RFX3: variants seen among roughly 807,000 people sequenced by gnomAD.
RFX3 encodes regulatory factor X3, also known as transcription factor RFX3.
In RFX3, 14 loss-of-function variants were observed where a neutral mutation model predicts 98.6. The observed-to-expected ratio is 0.14, with a 90% CI of 0.09 to 0.22. RFX3 has a LOEUF of 0.22. Among genes scored for constraint, RFX3 ranks in the 10% least tolerant of loss-of-function variants. The pLI, the probability that RFX3 is intolerant of heterozygous loss-of-function variation, is 1.00. For missense variants in RFX3, 639 were observed against 926.9 expected (o/e 0.69, Z 4.03); for synonymous variants, 383 against 328.4 (o/e 1.17, Z -1.80).
At chr9:3,248,408 T>C (rs995639165) in intron 14 of RFX3, among the ~76,000 whole-genome samples, 2 of 152,170 alleles carry the variant, frequency 1.3e-5, no homozygotes, top group African/African-American at 4.8e-5. Context: ...TCAAGATAGA[T>C]AGTCTTAATG....
chr9:3,373,980 A>G (rs1838152807), intron 2 of RFX3, among the ~76,000 whole-genome samples: 1 of 152,056 alleles, frequency 6.6e-6, no homozygotes, highest in African/African-American at 2.4e-5. Context: ...CGGGAGGCTG[A>G]AGCAGAAGAA....
chr9:3,226,195 C>G (rs985897494), intron 16 of RFX3, among the ~76,000 whole-genome samples: 2 of 152,142 alleles, frequency 1.3e-5, no homozygotes, highest in Non-Finnish European at 2.9e-5. Context: ...TCTCCATTCT[C>G]TACTGTTCTA....
At chr9:3,432,733 G>C (rs1291518946) in intron 1 of RFX3, among the ~76,000 whole-genome samples, 2 of 152,172 alleles carry the variant, frequency 1.3e-5, no homozygotes, top group East Asian at 3.8e-4. Context: ...AGAAGATGTA[G>C]AAGCAATGCC....
chr9:3,504,806 A>G (rs1587882678), intron 1 of RFX3, among the ~76,000 whole-genome samples: 1 of 103,152 alleles, frequency 9.7e-6, no homozygotes, highest in South Asian at 2.6e-4. Context: ...TATATTATAT[A>G]TAAAATATAT....
chr9:3,462,257 T>TC (rs1382146310), intron 1 of RFX3, among the ~76,000 whole-genome samples: 1 of 152,004 alleles, frequency 6.6e-6, no homozygotes, highest in Non-Finnish European at 1.5e-5. Flanking sequence ...ATTCCAGAAT[T>TC]CAAGGTTGCT....
At position 3,251,408 on chromosome 9, in the gene RFX3, T is replaced by C. The variant is rs1821379604; in HGVS notation, c.1815-3223A>G. On this transcript the variant is annotated intron_variant, in intron 14 of 16. Coordinates refer to ENST00000617270, the MANE Select transcript of RFX3 (RefSeq NM_001282116.2). ...TATTGTCCAGGCTGGGGTGTGGTGA[T>C]GCCATTATAGTTCACTGCAGCATTG... Among the ~76,000 whole-genome samples, 3 of 152,038 alleles carry C rather than the reference T, an allele frequency of 2.0e-5. No homozygotes were observed. In the South Asian group the frequency reaches 6.2e-4, roughly 32 times the overall value.
At chr9:3,323,111 A>G (rs1334260589) in intron 4 of RFX3, among the ~76,000 whole-genome samples, 2 of 152,242 alleles carry the variant, frequency 1.3e-5, no homozygotes, top group Non-Finnish European at 2.9e-5. Flanking sequence ...AAAGGAAACC[A>G]GATAATTCTG....
intron 15 of RFX3, among the ~76,000 whole-genome samples, chr9:3,238,854 G>A (rs187826112): frequency 5.3e-5 from 8 of 152,004 alleles, no homozygotes; most frequent in South Asian, 2.1e-4. Flanking sequence ...TTAGCTGGGC[G>A]TGGTTGCGCA....
chr9:3,237,712 G>A lies in RFX3; in HGVS notation c.1969-8823C>T, dbSNP rs186360948. ...AAAATGTCCTTATGCTTATTTTGTT[G>A]AGGAGAAAACTAAGACTCAAGCAAG... On this transcript the variant is annotated intron_variant, in intron 15 of 16. Coordinates refer to ENST00000617270, the MANE Select transcript of RFX3 (RefSeq NM_001282116.2). Among the ~76,000 whole-genome samples the A allele has an allele frequency of 7.9e-5, 12 of 152,236 alleles. No individual in the cohort carries two copies. In the East Asian group the frequency reaches 2.3e-3, roughly 29 times the overall value.
chr9:3,325,846 A>G (rs972102722), intron 4 of RFX3, among the ~76,000 whole-genome samples: 2 of 152,172 alleles, frequency 1.3e-5, no homozygotes, highest in African/African-American at 2.4e-5. Context: ...TAGAAAAATA[A>G]TCATGAAAAT....
At chr9:3,519,782 T>C (rs1818521143) in intron 1 of RFX3, among the ~76,000 whole-genome samples, 1 of 152,136 alleles carries the variant, frequency 6.6e-6, no homozygotes, top group South Asian at 2.1e-4. Flanking sequence ...CTAAACACGT[T>C]TCCATTTTTA....
At chr9:3,306,755 A>AT (rs1005538057) in intron 4 of RFX3, among the ~76,000 whole-genome samples, 1 of 151,968 alleles carries the variant, frequency 6.6e-6, no homozygotes, top group Admixed American at 6.6e-5. Context: ...TATAATAATA[A>AT]TTAAAAAAAA....
At chr9:3,332,805 C>G (rs1445049699) in intron 3 of RFX3, among the ~76,000 whole-genome samples, 1 of 152,146 alleles carries the variant, frequency 6.6e-6, no homozygotes, top group Non-Finnish European at 1.5e-5. Context: ...TTTTCTCTTG[C>G]CTTTCTGCTT....
chr9:3,223,758 G>C lies in RFX3; in HGVS notation c.*1284C>G, dbSNP rs1817491312. 6.6e-6 allele frequency: 1 copy of C among 152,192 alleles called. No individual in the cohort carries two copies. The highest frequency in any genetic ancestry group is 1.5e-5 in the Non-Finnish European group (1 of 68,044). 9.4% of individuals were successfully genotyped at this position (152,192 alleles called of 1,614,324 possible). On this transcript the variant is annotated 3_prime_UTR_variant, in exon 17 of 17. Coordinates refer to ENST00000617270, the MANE Select transcript of RFX3 (RefSeq NM_001282116.2). The stretch of plus-strand genomic sequence containing the variant: ...CACACTTTGTCAAATGGATTGAAGA[G>C]TTAGTCACATGAACAAAATAAACCT...
chr9:3,361,661 GAA>G lies in RFX3; in HGVS notation c.118-14899_118-14898del, dbSNP rs71324242. Among the ~76,000 whole-genome samples, 198 of 87,784 alleles carry G rather than the reference GAA, an allele frequency of 2.3e-3. 1 individual carries two copies. The highest frequency in any genetic ancestry group is 0.014 in the Middle Eastern group (2 of 146). The allele number at this position is 87,784 out of a possible 152,430, so 57.6% of individuals were successfully genotyped here. On this transcript the variant is annotated intron_variant, in intron 2 of 16. Transcript: ENST00000617270. ...ACATAGTGAGACCTTGTTTCTTTAG[GAA>G]AAAAAAAAAAAAAAAAAAAGTAAAA... is the stretch of plus-strand genomic sequence containing the variant.
At chr9:3,429,115 C>T (rs958069374) in intron 1 of RFX3, among the ~76,000 whole-genome samples, 5 of 150,998 alleles carry the variant, frequency 3.3e-5, no homozygotes, top group Non-Finnish European at 7.4e-5. Context: ...CTCCGCCTCC[C>T]GGGTTCATGC....
In RFX3 at chr9:3,267,622, C is replaced by A. The variant is rs139906690; in HGVS notation, c.1358-1317G>T. ...GGTTAGGAAAAACACTCAAGCAGTG[C>A]AGATCCTTAACCACGAGGATCATCT... On this transcript the variant is annotated intron_variant, in intron 11 of 16. Transcript: ENST00000617270. Among the ~76,000 whole-genome samples, 155 of 151,892 alleles carry A rather than the reference C, an allele frequency of 1.0e-3. 1 individual carries two copies. The East Asian group carries it at 0.026, about 25-fold the overall frequency.
At chr9:3,445,264 G>A (rs1185080417) in intron 1 of RFX3, among the ~76,000 whole-genome samples, 2 of 152,010 alleles carry the variant, frequency 1.3e-5, no homozygotes, top group Non-Finnish European at 2.9e-5. Flanking sequence ...TTGAGAGAAG[G>A]GAGCATTTAT....
chr9:3,332,338 G>T (rs1832691378), intron 3 of RFX3, among the ~76,000 whole-genome samples: 1 of 152,180 alleles, frequency 6.6e-6, no homozygotes, highest in African/African-American at 2.4e-5. Context: ...CACATAGCGT[G>T]AAGGTAATTT....
Sources: gnomAD v4.1 joint callset for allele counts (sites outside exome capture counted in the v4.1 genomes callset) on GRCh38, gnomAD v4.1.1 for gene constraint, MANE v1.5 for transcripts, NCBI Gene and HGNC (gene_info 2026-07-23, HGNC 2026-07-21) for gene names.